The following ZMAT4 variants were observed in gnomAD, a reference collection of about 807,000 sequenced individuals.
ZMAT4 encodes zinc finger matrin-type protein 4.
In ZMAT4, 17 loss-of-function variants were observed where a neutral mutation model predicts 28.7. The observed-to-expected ratio is 0.59, with a 90% CI of 0.41 to 0.89. The LOEUF is 0.89. ZMAT4 is among the 40% of genes least tolerant of loss of function. ZMAT4 has a pLI of 0.00. For synonymous variants in ZMAT4, 117 were observed against 109.2 expected (o/e 1.07, Z -0.44); for missense variants, 240 against 283.8 (o/e 0.85, Z 1.11).
intron 3 of ZMAT4, among the ~76,000 whole-genome samples, chr8:40,713,985 A>G (rs1810742082): frequency 6.6e-6 from 1 of 151,792 alleles, no homozygotes; most frequent in African/African-American, 2.4e-5. Context: ...ATACATATCC[A>G]ATTTTAAAAA....
intron 2 of ZMAT4, among the ~76,000 whole-genome samples, chr8:40,810,067 AAT>A (rs949665356): frequency 6.6e-6 from 1 of 151,936 alleles, no homozygotes; most frequent in African/African-American, 2.4e-5. Flanking sequence ...AAACAAACAA[AAT>A]ATATATATAC....
At chr8:40,588,443 A>G (rs1005999345) in intron 5 of ZMAT4, among the ~76,000 whole-genome samples, 3 of 152,130 alleles carry the variant, frequency 2.0e-5, no homozygotes, top group Non-Finnish European at 4.4e-5. Flanking sequence ...AATACAATCT[A>G]ATTTTTTTAA....
intron 1 of ZMAT4, among the ~76,000 whole-genome samples, chr8:40,850,571 C>T (rs2150634925): frequency 6.6e-6 from 1 of 152,232 alleles, no homozygotes; most frequent in East Asian, 1.9e-4. Context: ...TAGCTGTATC[C>T]CCACTGACAG....
intron 3 of ZMAT4, among the ~76,000 whole-genome samples, chr8:40,743,745 C>G (rs1333059968): frequency 6.6e-6 from 1 of 152,110 alleles, no homozygotes; most frequent in Non-Finnish European, 1.5e-5. Context: ...AGCCACAGAT[C>G]ATGGTGGTCA....
At chr8:40,728,133 C>T (rs747507869) in intron 3 of ZMAT4, among the ~76,000 whole-genome samples, 1 of 152,128 alleles carries the variant, frequency 6.6e-6, no homozygotes, top group Non-Finnish European at 1.5e-5. Flanking sequence ...AAGGGAAACA[C>T]ACGAAATTAT....
intron 2 of ZMAT4, among the ~76,000 whole-genome samples, chr8:40,782,644 CA>C (rs1813887844): frequency 6.6e-6 from 1 of 152,004 alleles, no homozygotes; most frequent in Non-Finnish European, 1.5e-5. Flanking sequence ...AAAACTATTG[CA>C]AGAAGGGAAG....
intron 5 of ZMAT4, among the ~76,000 whole-genome samples, chr8:40,601,481 G>A (rs1205898343): frequency 1.7e-5 from 2 of 115,084 alleles, no homozygotes; most frequent in East Asian, 2.1e-4. Context: ...AAGAAAGAAA[G>A]AAAGAAAGAA....
chr8:40,826,270 A>G (rs937869942), intron 1 of ZMAT4, among the ~76,000 whole-genome samples: 6 of 152,224 alleles, frequency 3.9e-5, no homozygotes, highest in Admixed American at 1.3e-4. Context: ...CCAAATTCAG[A>G]TAAATTATTC....
chr8:40,702,697 T>C (rs1048369958), intron 3 of ZMAT4, among the ~76,000 whole-genome samples: 1 of 152,194 alleles, frequency 6.6e-6, no homozygotes, highest in African/African-American at 2.4e-5. Context: ...ACTTTCAGAA[T>C]GGCAGAGTGA....
chr8:40,820,470 G>C (rs1023776880), intron 2 of ZMAT4, among the ~76,000 whole-genome samples: 1 of 151,052 alleles, frequency 6.6e-6, no homozygotes, highest in African/African-American at 2.4e-5. Context: ...GGGGGTGTAT[G>C]TGTGTTTATG....
At chr8:40,547,003 G>A (rs1390329054) in intron 6 of ZMAT4, among the ~76,000 whole-genome samples, 1 of 152,090 alleles carries the variant, frequency 6.6e-6, no homozygotes, top group Non-Finnish European at 1.5e-5. Context: ...ATATGGAAAT[G>A]CAATCATGAT....
chr8:40,720,427 T>A lies in ZMAT4; in HGVS notation c.193-23026A>T, dbSNP rs141616518. Among the ~76,000 whole-genome samples, 799 of 151,868 alleles carry A rather than the reference T, an allele frequency of 5.3e-3. 9 individuals are homozygous for A. The highest frequency in any genetic ancestry group is 0.018 in the African/African-American group (752 of 41,410). On this transcript the variant is annotated intron_variant, in intron 3 of 6. Transcript: ENST00000297737. Reference sequence around the variant, plus strand: ...TATCCCCTCCTCCTTGCTGTAATCATCCATCTGACTTACAGGACAAGGCAG... The same window carrying A: ...TATCCCCTCCTCCTTGCTGTAATCAACCATCTGACTTACAGGACAAGGCAG...
intron 5 of ZMAT4, among the ~76,000 whole-genome samples, chr8:40,607,557 G>A (rs1805640777): frequency 6.6e-6 from 1 of 151,658 alleles, no homozygotes; most frequent in Non-Finnish European, 1.5e-5. Context: ...TTTTTTCTTG[G>A]CTTGGATCCA....
chr8:40,637,868 A>C (rs1806855346), intron 5 of ZMAT4, among the ~76,000 whole-genome samples: 1 of 152,226 alleles, frequency 6.6e-6, no homozygotes, highest in Non-Finnish European at 1.5e-5. Flanking sequence ...ATGGAATACT[A>C]TTTAGTCTTT....
At chr8:40,620,394 A>T (rs184633798) in intron 5 of ZMAT4, among the ~76,000 whole-genome samples, 1 of 152,238 alleles carries the variant, frequency 6.6e-6, no homozygotes, top group Non-Finnish European at 1.5e-5. Flanking sequence ...AGGCCACAGG[A>T]TAAGGACACA....
chr8:40,566,678 G>C (rs1803936473), intron 6 of ZMAT4, among the ~76,000 whole-genome samples: 1 of 152,084 alleles, frequency 6.6e-6, no homozygotes, highest in African/African-American at 2.4e-5. Flanking sequence ...CTACTCAGTT[G>C]CCTTGAATAG....
intron 5 of ZMAT4, among the ~76,000 whole-genome samples, chr8:40,627,391 CA>C (rs1199638363): frequency 4.6e-5 from 7 of 152,136 alleles, no homozygotes; most frequent in African/African-American, 1.4e-4. Flanking sequence ...CACATACACA[CA>C]AACACACACA....
chr8:40,592,222 C>A (rs182522500), intron 5 of ZMAT4, among the ~76,000 whole-genome samples: 1 of 152,290 alleles, frequency 6.6e-6, no homozygotes, highest in East Asian at 1.9e-4. Context: ...TTTGCCATGC[C>A]ATTCCCATAA....
At chr8:40,588,069 A>C (rs1440755629) in intron 5 of ZMAT4, among the ~76,000 whole-genome samples, 1 of 152,040 alleles carries the variant, frequency 6.6e-6, no homozygotes, top group South Asian at 2.1e-4. Context: ...TCTAAATACA[A>C]TTTAGCCAAT....
Sources: gnomAD v4.1 joint callset for allele counts (sites outside exome capture counted in the v4.1 genomes callset) on GRCh38, gnomAD v4.1.1 for gene constraint, MANE v1.5 for transcripts, NCBI Gene and HGNC (gene_info 2026-07-23, HGNC 2026-07-21) for gene names.